Variants in TNRC6C observed in about 807,000 individuals in gnomAD.
TNRC6C encodes the protein trinucleotide repeat-containing gene 6C protein.
A neutral mutation model predicts 153.7 loss-of-function variants in TNRC6C; 20 were observed. That is an observed-to-expected ratio of 0.13 (90% confidence interval 0.09 to 0.19). The LOEUF (loss-of-function observed/expected upper bound fraction) is 0.19. Ranked by LOEUF, TNRC6C falls within the 10% of genes least tolerant of loss-of-function variation. The pLI is 1.00. For missense variants in TNRC6C, 1,987 were observed against 2,172.0 expected (o/e 0.91, Z 1.69); for synonymous variants, 811 against 841.4 (o/e 0.96, Z 0.63).
At chr17:77,983,937 CAT>C (rs1189601120) in intron 1 of TNRC6C, among the ~76,000 whole-genome samples, 1 of 152,098 alleles carries the variant, frequency 6.6e-6, no homozygotes, top group Admixed American at 6.5e-5. Flanking sequence ...AAGGTGAGAA[CAT>C]GTTCATTTAT....
chr17:78,082,669 G>A (rs1393267928), intron 10 of TNRC6C, among the ~76,000 whole-genome samples: 2 of 152,180 alleles, frequency 1.3e-5, no homozygotes, highest in East Asian at 3.9e-4. Context: ...CGCCCCTCAT[G>A]CATCCATTTA....
At chr17:78,068,232 A>G (rs772879696) in intron 5 of TNRC6C, among the ~76,000 whole-genome samples, 6 of 152,284 alleles carry the variant, frequency 3.9e-5, no homozygotes, top group Non-Finnish European at 5.9e-5. Flanking sequence ...TAAGCCAGAC[A>G]TAGAGATTTG....
intron 1 of TNRC6C, among the ~76,000 whole-genome samples, chr17:77,977,680 G>A (rs2071019688): frequency 6.6e-6 from 1 of 151,992 alleles, no homozygotes; most frequent in African/African-American, 2.4e-5. Context: ...AACCTTTCAT[G>A]CTTTTAATAT....
chr17:78,103,088 G>A (rs527505977), intron 18 of TNRC6C, among the ~76,000 whole-genome samples: 6 of 152,356 alleles, frequency 3.9e-5, no homozygotes, highest in Admixed American at 3.9e-4. Context: ...TCTGTTGTCA[G>A]CAGCTGGACC....
In TNRC6C at chr17:78,029,451, CAAGAAAAATACGCTATA is replaced by C. The variant is rs771115020; in HGVS notation, c.-545-2059_-545-2043del. On this transcript the variant is annotated intron_variant, in intron 1 of 19. Coordinates refer to ENST00000301624, the Ensembl canonical transcript of TNRC6C. ...ATGTTATCTAAACATAGGAAAGGGACAAGAAAAATACGCTATAAAGAATTTTTAAAAGGTACACCTGT... is the reference window on the plus strand; with the variant it reads ...ATGTTATCTAAACATAGGAAAGGGACAAGAATTTTTAAAAGGTACACCTGT... Among the ~76,000 whole-genome samples the C allele has an allele frequency of 4.6e-5, 7 of 152,088 alleles. No individual in the cohort carries two copies. In the East Asian group the frequency reaches 1.3e-3, roughly 29 times the overall value.
At chr17:77,964,686 G>A (rs1456800591) in intron 1 of TNRC6C, among the ~76,000 whole-genome samples, 1 of 152,194 alleles carries the variant, frequency 6.6e-6, no homozygotes, top group Non-Finnish European at 1.5e-5. Flanking sequence ...ATGGCAACGC[G>A]GGCACAGGTG....
chr17:78,090,759 GC>G (rs1202242055), intron 13 of TNRC6C, among the ~76,000 whole-genome samples: 1 of 152,170 alleles, frequency 6.6e-6, no homozygotes, highest in African/African-American at 2.4e-5. Context: ...GGGGCAGATG[GC>G]AGCACCCCCG....
At chr17:78,073,503 GAGA>G (rs1050060350) in intron 7 of TNRC6C, among the ~76,000 whole-genome samples, 1 of 152,222 alleles carries the variant, frequency 6.6e-6, no homozygotes, top group Non-Finnish European at 1.5e-5. Context: ...GTTGTTGAGA[GAGA>G]AGATTTTCTG....
intron 1 of TNRC6C, among the ~76,000 whole-genome samples, chr17:78,021,848 G>C (rs1279785613): frequency 6.6e-6 from 1 of 152,176 alleles, no homozygotes; most frequent in Non-Finnish European, 1.5e-5. Context: ...GGGATTAAAG[G>C]TGTGAGCCAC....
intron 17 of TNRC6C, among the ~76,000 whole-genome samples, chr17:78,100,126 G>A (rs2073562687): frequency 6.6e-6 from 1 of 152,174 alleles, no homozygotes; most frequent in African/African-American, 2.4e-5. Flanking sequence ...CTGTCTTCAC[G>A]GGCTGGTATT....
rs992406501 is a variant in TNRC6C, at chr17:78,085,844, T to G, written c.3478-659T>G. Among the ~76,000 whole-genome samples the G allele has an allele frequency of 1.6e-3, 146 of 92,600 alleles. 1 individual carries two copies. Among genetic ancestry groups the G allele is most frequent in the African/African-American group, 8.0e-3 (141 of 17,560 alleles). 60.7% of individuals were successfully genotyped at this position (92,600 alleles called of 152,430 possible). ...ATTATAGAATAGGTTGGTTTTTTGT[T>G]TTTTTTTTTTAAGTTTCAGTTTGTA... is the stretch of plus-strand genomic sequence containing the variant. On this transcript the variant is annotated intron_variant, in intron 11 of 19. Transcript: ENST00000301624.
chr17:78,038,818 C>T (rs2072233434), intron 2 of TNRC6C, among the ~76,000 whole-genome samples: 1 of 151,844 alleles, frequency 6.6e-6, no homozygotes. Context: ...TAACACAGTA[C>T]TATGGATTGA....
chr17:77,959,688 G>C (rs934178483), intron 1 of TNRC6C, among the ~76,000 whole-genome samples: 2 of 152,132 alleles, frequency 1.3e-5, no homozygotes, highest in Admixed American at 6.5e-5. Context: ...AGAAAAACCC[G>C]GGGCGTGCTG....
intron 1 of TNRC6C, among the ~76,000 whole-genome samples, chr17:77,974,247 T>C (rs1278624265): frequency 6.6e-6 from 1 of 152,124 alleles, no homozygotes; most frequent in African/African-American, 2.4e-5. Context: ...GGGCGAAGGA[T>C]TTCAATACAC....
upstream of TNRC6C, among the ~76,000 whole-genome samples, chr17:78,000,782 C>T (rs2071401856): frequency 1.3e-5 from 2 of 152,124 alleles, no homozygotes; most frequent in African/African-American, 4.8e-5. Flanking sequence ...AAGACAAAAA[C>T]AGGCCCCTGC....
chr17:78,063,554 T>A (rs986410111), intron 3 of TNRC6C, among the ~76,000 whole-genome samples: 3 of 152,100 alleles, frequency 2.0e-5, no homozygotes, highest in Non-Finnish European at 4.4e-5. Flanking sequence ...GAGGATGCTG[T>A]TGCAACAGGA....
upstream of TNRC6C, chr17:78,004,095 GAGC>G: frequency 8.1e-7 from 1 of 1,229,692 alleles, no homozygotes; most frequent in Non-Finnish European, 1.0e-6. Context: ...TTAAGATTTG[GAGC>G]AGCTAGTGCT....
chr17:78,040,313 C>A (rs893474365), intron 2 of TNRC6C, among the ~76,000 whole-genome samples: 1 of 152,198 alleles, frequency 6.6e-6, no homozygotes, highest in African/African-American at 2.4e-5. Flanking sequence ...GCTTGAAACA[C>A]TTGAGAGCTT....
intron 1 of TNRC6C, among the ~76,000 whole-genome samples, chr17:77,963,934 G>C (rs1313849442): frequency 6.6e-6 from 1 of 152,182 alleles, no homozygotes; most frequent in Non-Finnish European, 1.5e-5. Flanking sequence ...AATAAGAGTT[G>C]TCTGTCCCAC....
Sources: allele counts gnomAD v4.1 joint callset (sites outside exome capture counted in the v4.1 genomes callset), GRCh38; gene constraint gnomAD v4.1.1; transcripts MANE v1.5; gene names NCBI Gene and HGNC (gene_info 2026-07-23, HGNC 2026-07-21).